RNPEP: variants seen among roughly 807,000 people sequenced by gnomAD.
The protein encoded by RNPEP is arginyl aminopeptidase, also known as aminopeptidase B.
RNPEP carries 57 observed loss-of-function variants against 70.1 expected under a neutral mutation model. The ratio of observed to expected loss-of-function variants is 0.81; its 90% confidence interval spans 0.66 to 1.01. The LOEUF (loss-of-function observed/expected upper bound fraction) is 1.01, where lower values mean the gene tolerates loss of function less well. Ranked by LOEUF, RNPEP falls within the 50% of genes least tolerant of loss-of-function variation. RNPEP has a pLI of 0.00. For synonymous variants in RNPEP, 335 were observed against 357.4 expected (o/e 0.94, Z 0.71); for missense variants, 787 against 852.4 (o/e 0.92, Z 0.96).
chr1:202,000,054 A>G (rs1405710487), intron 6 of RNPEP, 39 bp downstream of exon 6: 9 of 1,461,938 alleles, frequency 6.2e-6, no homozygotes, highest in Non-Finnish European at 6.7e-6. Flanking sequence ...ACTCCCCTCA[A>G]TTGAGCTTGG....
At chr1:201,987,757 A>G (rs1232223744) in intron 1 of RNPEP, among the ~76,000 whole-genome samples, 1 of 151,950 alleles carries the variant, frequency 6.6e-6, no homozygotes, top group Non-Finnish European at 1.5e-5. Context: ...CCTTTGTTTA[A>G]GAGCTAACAG....
chr1:201,998,230 CTTTTTTTT>C (rs34549362), intron 5 of RNPEP, among the ~76,000 whole-genome samples: 1 of 116,678 alleles, frequency 8.6e-6, no homozygotes, highest in Admixed American at 9.5e-5. Flanking sequence ...TGGGTCTGAA[CTTTTTTTT>C]TTTTTTTTTT....
chr1:201,982,692 G>A lies in RNPEP; in HGVS notation c.26G>A (p.Gly9Asp), dbSNP rs1326641741. 51 of 1,393,564 alleles carry A rather than the reference G, an allele frequency of 3.7e-5. No individual in the cohort carries two copies. The highest frequency in any genetic ancestry group is 4.6e-5 in the Non-Finnish European group (49 of 1,067,972). 86.3% of individuals were successfully genotyped at this position (1,393,564 alleles called of 1,614,324 possible). A position where few individuals can be genotyped will look rare whatever the true frequency, so the allele number is the denominator to read the frequency against. Reference sequence around the variant, plus strand: ...ATGGCGAGCGGCGAGCATTCCCCCGGCAGCGGCGCGGCCCGGCGGCCGCTG... The same window carrying A: ...ATGGCGAGCGGCGAGCATTCCCCCGACAGCGGCGCGGCCCGGCGGCCGCTG... MASGEHSP[G>D]SGAARRPLHS... is the part of the protein sequence containing the mutation. Residue 9 changes from glycine to aspartate, a missense_variant, in exon 1 of 11, where the codon GGC (glycine) becomes GAC (aspartate). Gly to Asp is a moderately conservative substitution (Grantham distance 94). Coordinates refer to ENST00000295640, the MANE Select transcript of RNPEP (RefSeq NM_020216.4).
intron 5 of RNPEP, 72 bp downstream of exon 5, chr1:201,997,626 A>G (rs879774754): frequency 1.7e-6 from 2 of 1,193,518 alleles, no homozygotes; most frequent in Non-Finnish European, 1.2e-6. Flanking sequence ...TGATCTCCTT[A>G]TGGGGTTTCA....
intron 7 of RNPEP, 48 bp from the exon 8 acceptor site, chr1:202,001,611 A>G (rs972090892): frequency 6.7e-7 from 1 of 1,488,476 alleles, no homozygotes; most frequent in African/African-American, 1.4e-5. Context: ...GAGGGACACC[A>G]CTCCCCACGG....
intron 1 of RNPEP, among the ~76,000 whole-genome samples, chr1:201,986,657 C>T (rs1683143279): frequency 6.6e-6 from 1 of 151,602 alleles, no homozygotes; most frequent in Admixed American, 6.6e-5. Context: ...TCTCCTCCCT[C>T]AGCCTCCGAA....
intron 3 of RNPEP, among the ~76,000 whole-genome samples, chr1:201,989,987 G>A (rs1310989494): frequency 6.6e-6 from 1 of 152,076 alleles, no homozygotes; most frequent in Non-Finnish European, 1.5e-5. Flanking sequence ...TGGGACTGCA[G>A]GCATGCCCCA....
intron 3 of RNPEP, among the ~76,000 whole-genome samples, chr1:201,991,221 T>G (rs1178029607): frequency 1.3e-5 from 2 of 152,118 alleles, no homozygotes; most frequent in Non-Finnish European, 2.9e-5. Context: ...TTCAAGTGAT[T>G]CTCCTGCCTC....
chr1:201,994,896 T>G (rs1489512726), intron 3 of RNPEP, among the ~76,000 whole-genome samples: 1 of 147,096 alleles, frequency 6.8e-6, no homozygotes, highest in African/African-American at 2.5e-5. Flanking sequence ...GTCAGGCTGG[T>G]CTGGTACTCT....
At chr1:202,001,915 G>T in intron 8 of RNPEP, 148 bp downstream of exon 8, 1 of 620,396 alleles carries the variant, frequency 1.6e-6, no homozygotes, top group Non-Finnish European at 2.9e-6. Flanking sequence ...AGAATCCTGG[G>T]ATTTATTCCA....
At chr1:201,989,136 A>G in intron 2 of RNPEP, 92 bp downstream of exon 2, 1 of 1,481,516 alleles carries the variant, frequency 6.7e-7, no homozygotes, top group South Asian at 1.3e-5. Flanking sequence ...GTAAATTATT[A>G]TATCCATTCA....
chr1:201,983,843 T>C, intron 1 of RNPEP: 1 of 1,031,990 alleles, frequency 9.7e-7, no homozygotes, highest in Non-Finnish European at 1.2e-6. Flanking sequence ...AGAAAATCCT[T>C]CCTGGAGAGT....
At position 202,000,029 on chromosome 1, in the gene RNPEP, CTCTG is replaced by C. The variant is rs749195505; in HGVS notation, c.1204+19_1204+22del. On this transcript the variant is annotated intron_variant, in intron 6 of 10. Transcript: ENST00000295640. ...AGATTGAACCAGGTCCAGGAGGCTC[CTCTG>C]TCTGACACCCACTCCCCTCAATTGA... The C allele has an allele frequency of 1.3e-6, 2 of 1,582,104 alleles. No individual in the cohort carries two copies. The highest frequency in any genetic ancestry group is 8.7e-7 in the Non-Finnish European group (1 of 1,152,538).
intron 8 of RNPEP, 120 bp downstream of exon 8, chr1:202,001,887 G>C: frequency 1.5e-6 from 1 of 670,624 alleles, no homozygotes. Context: ...AGGTAGGGGC[G>C]TTTTGGGAAG....
chr1:201,988,483 A>AAC (rs1683212746), intron 1 of RNPEP, among the ~76,000 whole-genome samples: 1 of 149,244 alleles, frequency 6.7e-6, no homozygotes, highest in Admixed American at 6.7e-5. Flanking sequence ...AAAAAAAAAA[A>AAC]CATATTAATC....
chr1:202,000,645 C>T lies in RNPEP; in HGVS notation c.1204+630C>T, dbSNP rs536967489. Reference sequence around the variant, plus strand: ...CACATTGGCTGGGCATGGTGGTTCACGCCTGTAATCCCAGGTCAAAGCGGG... The same window carrying T: ...CACATTGGCTGGGCATGGTGGTTCATGCCTGTAATCCCAGGTCAAAGCGGG... On this transcript the variant is annotated intron_variant, in intron 6 of 10. Transcript: ENST00000295640. 1.1e-4 allele frequency among the ~76,000 whole-genome samples: 16 copies of T among 152,222 alleles called. 1 individual carries two copies. In the East Asian group the frequency reaches 2.1e-3, roughly 20 times the overall value.
At chr1:201,988,174 A>T (rs907866876) in intron 1 of RNPEP, among the ~76,000 whole-genome samples, 1 of 149,788 alleles carries the variant, frequency 6.7e-6, no homozygotes, top group African/African-American at 2.4e-5. Context: ...GAGAATGTAT[A>T]TTAGGCTGAG....
intron 1 of RNPEP, 136 bp from the exon 2 acceptor site, chr1:201,988,768 T>C (rs956197921): frequency 7.7e-6 from 8 of 1,035,244 alleles, no homozygotes; most frequent in Non-Finnish European, 1.1e-5. Context: ...GAGAGCTTTC[T>C]AGTTCAAACC....
intron 10 of RNPEP, 55 bp downstream of exon 10, chr1:202,004,551 T>A: frequency 1.3e-6 from 2 of 1,596,060 alleles, no homozygotes; most frequent in Non-Finnish European, 1.7e-6. Context: ...CACTCGGCCA[T>A]ATGTGAAGTA....
Sources: allele counts gnomAD v4.1 joint callset (sites outside exome capture counted in the v4.1 genomes callset), GRCh38; gene constraint gnomAD v4.1.1; transcripts MANE v1.5; gene names NCBI Gene and HGNC (gene_info 2026-07-23, HGNC 2026-07-21).